The following SRGAP3 variants were observed in gnomAD, a reference collection of about 807,000 sequenced individuals.
The protein encoded by SRGAP3 is SLIT-ROBO Rho GTPase-activating protein 3.
SRGAP3 carries 39 observed loss-of-function variants against 121.1 expected under a neutral mutation model. The observed-to-expected ratio is 0.32, with a 90% CI of 0.25 to 0.42. The LOEUF (loss-of-function observed/expected upper bound fraction) is 0.42. SRGAP3 is among the 10% of genes least tolerant of loss of function. The pLI, the probability that SRGAP3 is intolerant of heterozygous loss-of-function variation, is 1.00. For missense variants in SRGAP3, 1,213 were observed against 1,470.6 expected, an observed-to-expected ratio of 0.82 and a Z score of 2.86; for synonymous variants, 601 against 570.0, an observed-to-expected ratio of 1.05 and a Z score of -0.77.
At chr3:9,254,908 AAGGG>A in intron 3 of SRGAP3, among the ~76,000 whole-genome samples, 4 of 149,106 alleles carry the variant, frequency 2.7e-5, no homozygotes, top group African/African-American at 9.8e-5. Flanking sequence ...GGAAGGAAGG[AAGGG>A]AGGGGAAAGA....
At chr3:9,248,543 T>C (rs1040369575) in intron 1 of SRGAP3, among the ~76,000 whole-genome samples, 2 of 151,670 alleles carry the variant, frequency 1.3e-5, no homozygotes, top group Non-Finnish European at 2.9e-5. Flanking sequence ...AGGGAAGGGG[T>C]GGAGGTAGTG....
At chr3:9,044,108 T>C (rs1436955909) in intron 10 of SRGAP3, among the ~76,000 whole-genome samples, 1 of 152,148 alleles carries the variant, frequency 6.6e-6, no homozygotes, top group African/African-American at 2.4e-5. Flanking sequence ...GACTTGCATG[T>C]CTGGGGTCAA....
At chr3:9,353,485 G>C (rs1201577778) in intron 1 of SRGAP3, among the ~76,000 whole-genome samples, 4 of 152,216 alleles carry the variant, frequency 2.6e-5, no homozygotes, top group Non-Finnish European at 5.9e-5. Flanking sequence ...AATTCAAGGA[G>C]AAGAATAAAT....
chr3:9,168,814 C>A (rs1403238940), intron 1 of SRGAP3, among the ~76,000 whole-genome samples: 2 of 152,240 alleles, frequency 1.3e-5, no homozygotes, highest in Non-Finnish European at 2.9e-5. Flanking sequence ...TGGGCCCCTA[C>A]TCAGCCAGAC....
chr3:9,360,749 GC>G (rs1457351342), intron 1 of SRGAP3, among the ~76,000 whole-genome samples: 3 of 152,150 alleles, frequency 2.0e-5, no homozygotes, highest in Non-Finnish European at 2.9e-5. Context: ...AGAACAGTAT[GC>G]AGGGAATCAC....
chr3:9,104,625 C>A, intron 3 of SRGAP3, 55 bp downstream of exon 3: 2 of 1,609,058 alleles, frequency 1.2e-6, no homozygotes, highest in African/African-American at 1.3e-5. Flanking sequence ...ATACTGTTAC[C>A]ATGGGCCAGC....
chr3:9,160,189 G>T (rs533138998), intron 1 of SRGAP3, among the ~76,000 whole-genome samples: 1 of 152,310 alleles, frequency 6.6e-6, no homozygotes, highest in Non-Finnish European at 1.5e-5. Context: ...AATATATGTT[G>T]TGGTGGTTTT....
At chr3:9,009,290 C>A (rs906856516) in intron 18 of SRGAP3, among the ~76,000 whole-genome samples, 4 of 152,054 alleles carry the variant, frequency 2.6e-5, no homozygotes, top group African/African-American at 4.8e-5. Context: ...CCTGGTCCCA[C>A]AAAAGAAACA....
chr3:9,325,669 A>G (rs1427142884), intron 3 of SRGAP3, among the ~76,000 whole-genome samples: 2 of 151,882 alleles, frequency 1.3e-5, no homozygotes, highest in African/African-American at 2.4e-5. Context: ...TCTTTAATCC[A>G]TGATGTGGGT....
chr3:9,130,478 AC>A (rs1402685308), intron 1 of SRGAP3, among the ~76,000 whole-genome samples: 1 of 152,142 alleles, frequency 6.6e-6, no homozygotes, highest in Non-Finnish European at 1.5e-5. Flanking sequence ...GTGTTTCTCC[AC>A]TTTTTCCCCA....
Position 8,981,889 on chromosome 3 carries a change from A to G in SRGAP3, c.*3630T>C, listed in dbSNP as rs1941433650. 4.4e-6 allele frequency: 1 copy of G among 227,638 alleles called. No homozygotes were observed. The highest frequency in any genetic ancestry group is 8.7e-6 in the Non-Finnish European group (1 of 114,562). The allele number at this position is 227,638 out of a possible 1,614,324, so 14.1% of individuals were successfully genotyped here. On this transcript the variant is annotated 3_prime_UTR_variant, in exon 22 of 22. Coordinates refer to ENST00000383836, the MANE Select transcript of SRGAP3 (RefSeq NM_014850.4). ...GAAAAGACTCCAAAGTCTAATTCCC[A>G]AGCTCGCAATTCCCTCCGATTGTGC...
chr3:9,313,630 T>C (rs1955288972), intron 3 of SRGAP3, among the ~76,000 whole-genome samples: 1 of 151,382 alleles, frequency 6.6e-6, no homozygotes, highest in Admixed American at 6.6e-5. Context: ...TGAGCCAAGA[T>C]TGCACCACTG....
At chr3:9,120,330 G>A (rs1214117302) in intron 2 of SRGAP3, among the ~76,000 whole-genome samples, 4 of 152,226 alleles carry the variant, frequency 2.6e-5, no homozygotes, top group East Asian at 1.9e-4. Context: ...CTGATGGCAC[G>A]CAGGTGCAGG....
intron 1 of SRGAP3, among the ~76,000 whole-genome samples, chr3:9,211,548 G>C (rs1373641828): frequency 6.6e-6 from 1 of 151,920 alleles, no homozygotes; most frequent in Non-Finnish European, 1.5e-5. Context: ...CTCAAAGTCT[G>C]ATAAAATAAT....
At chr3:9,021,852 G>C (rs997395956) in intron 14 of SRGAP3, among the ~76,000 whole-genome samples, 1 of 152,214 alleles carries the variant, frequency 6.6e-6, no homozygotes, top group African/African-American at 2.4e-5. Context: ...CAATTCTGGA[G>C]GTTGAGGCGG....
intron 3 of SRGAP3, among the ~76,000 whole-genome samples, chr3:9,309,497 T>A (rs1242049024): frequency 6.6e-6 from 1 of 152,274 alleles, no homozygotes; most frequent in Non-Finnish European, 1.5e-5. Context: ...CCTCCAACCC[T>A]GCGCTTTCAG....
intron 3 of SRGAP3, among the ~76,000 whole-genome samples, chr3:9,254,998 G>C (rs186860465): frequency 7.3e-6 from 1 of 136,216 alleles, no homozygotes; most frequent in Admixed American, 7.8e-5. Flanking sequence ...AGAAAGAAAG[G>C]GGAAGGAAGG....
intron 9 of SRGAP3, among the ~76,000 whole-genome samples, chr3:9,049,778 T>A (rs1429474969): frequency 2.6e-4 from 1 of 3,894 alleles, no homozygotes. Flanking sequence ...GAGAACCTAC[T>A]TTTTTTTTTT....
intron 3 of SRGAP3, among the ~76,000 whole-genome samples, chr3:9,091,276 CTT>C (rs1012288461): frequency 2.0e-5 from 3 of 152,042 alleles, no homozygotes; most frequent in African/African-American, 7.2e-5. Flanking sequence ...TTTTCTCACT[CTT>C]TGCTTGAGTA....
Sources: allele counts gnomAD v4.1 joint callset (sites outside exome capture counted in the v4.1 genomes callset), GRCh38; gene constraint gnomAD v4.1.1; transcripts MANE v1.5; gene names NCBI Gene and HGNC (gene_info 2026-07-23, HGNC 2026-07-21).